RESF1: variants seen among roughly 807,000 people sequenced by gnomAD.
The protein encoded by RESF1 is gonad expressed transcript.
A neutral mutation model predicts 134.7 loss-of-function variants in RESF1; 65 were observed. That is an observed-to-expected ratio of 0.48 (90% confidence interval 0.40 to 0.59). The LOEUF (loss-of-function observed/expected upper bound fraction) is 0.59. RESF1 is among the 20% of genes least tolerant of loss of function. The pLI is 0.00. For synonymous variants in RESF1, 762 were observed against 702.2 expected, an observed-to-expected ratio of 1.09 and a Z score of -1.35; for missense variants, 2,274 against 2,002.7, an observed-to-expected ratio of 1.14 and a Z score of -2.59.
At position 31,983,066 on chromosome 12, in the gene RESF1, G is replaced by A; in HGVS notation, c.2111G>A (p.Gly704Glu). The change falls in exon 4 of 6, where the codon GGA becomes GAA. Residue 704 changes from glycine (G) to glutamate (E), a missense_variant. Transcript: ENST00000312561. The stretch of plus-strand genomic sequence containing the variant: ...CTCAGAACAAACACAACAGCAGTTG[G>A]AATTTCAAAGCCTGCTAACATCCAC... ...DKLRTNTTAV[G>E]ISKPANIHVK... 1 of 1,613,686 alleles carries A rather than the reference G, an allele frequency of 6.2e-7. No individual in the cohort carries two copies. The highest frequency in any genetic ancestry group is 8.5e-7 in the Non-Finnish European group (1 of 1,179,976).
chr12:31,990,897 A>G (rs111529813), intron 5 of RESF1, among the ~76,000 whole-genome samples: 2 of 152,238 alleles, frequency 1.3e-5, no homozygotes, highest in South Asian at 2.1e-4. Context: ...CCAATCTGCT[A>G]TAAAGAAACA....
intron 5 of RESF1, among the ~76,000 whole-genome samples, chr12:31,990,735 G>A (rs1287393134): frequency 2.6e-5 from 4 of 152,270 alleles, no homozygotes; most frequent in African/African-American, 4.8e-5. Flanking sequence ...CACTGCGCCC[G>A]GCCACATGGG....
At position 31,983,767 on chromosome 12, in the gene RESF1, G is replaced by C; in HGVS notation, c.2812G>C (p.Glu938Gln). 6.2e-7 allele frequency: 1 copy of C among 1,613,458 alleles called. No homozygotes were observed. ...CAATCAGCAAGGGATTGGCAGCAGA[G>C]AACCAGAAAAACAATTAGATAATAC... ...LPNQQGIGSREPEKQLDNTTE... is the reference protein window; with the variant it reads ...LPNQQGIGSRQPEKQLDNTTE... Residue 938 changes from glutamate to glutamine, a missense_variant, in exon 4 of 6, where the codon GAA becomes CAA. Physicochemically the swap from Glu to Gln is conservative, Grantham distance 29 (BLOSUM62 2). Transcript: ENST00000312561.
At chr12:31,972,528 C>T (rs1273105637) in intron 3 of RESF1, among the ~76,000 whole-genome samples, 1 of 150,412 alleles carries the variant, frequency 6.6e-6, no homozygotes, top group Non-Finnish European at 1.5e-5. Context: ...ATGGCGTGAA[C>T]CTGGGAGGCG....
chr12:31,960,693 A>G (rs1939240903), intron 1 of RESF1, 84 bp from the exon 2 acceptor site: 1 of 152,214 alleles, frequency 6.6e-6, no homozygotes, highest in African/African-American at 2.4e-5. Context: ...CCATAAAAGA[A>G]AACAGTTTTG....
chr12:31,964,745 T>C (rs1388055858), intron 2 of RESF1, among the ~76,000 whole-genome samples: 3 of 152,190 alleles, frequency 2.0e-5, no homozygotes, highest in Non-Finnish European at 4.4e-5. Flanking sequence ...TGCATGTTGA[T>C]TTCTTTGGAG....
At chr12:31,965,610 C>G (rs1482773064) in intron 2 of RESF1, among the ~76,000 whole-genome samples, 1 of 152,180 alleles carries the variant, frequency 6.6e-6, no homozygotes, top group East Asian at 1.9e-4. Flanking sequence ...TTTAGAGGAA[C>G]TCTTCTGTTC....
intron 2 of RESF1, among the ~76,000 whole-genome samples, chr12:31,969,869 G>C (rs1939470530): frequency 6.6e-6 from 1 of 152,146 alleles, no homozygotes; most frequent in African/African-American, 2.4e-5. Context: ...GGGATTACAG[G>C]TGTGAGCCAC....
In RESF1 at chr12:31,985,009, T is replaced by A; in HGVS notation, c.4054T>A (p.Ser1352Thr). ...PNKDVYKKHS[S>T]LGQSLSPEKI... ...TAAAGATGTGTATAAGAAGCATAGT[T>A]CTTTGGGACAGTCATTATCACCAGA... Residue 1352 changes from serine (S) to threonine (T), a missense_variant, in exon 4 of 6, where the codon TCT becomes ACT. Transcript: ENST00000312561. The A allele has an allele frequency of 6.2e-7, 1 of 1,602,100 alleles. No homozygotes were observed.
In RESF1 at chr12:31,988,984, G is replaced by A. The variant is rs1940036444; in HGVS notation, c.5086+1662G>A. 5.3e-5 allele frequency among the ~76,000 whole-genome samples: 8 copies of A among 151,108 alleles called. No homozygotes were observed. In the Middle Eastern group the frequency reaches 0.01, roughly 193 times the overall value. On this transcript the variant is annotated intron_variant, in intron 5 of 5. Transcript: ENST00000312561. ...GCTGGGATTACAAGCATGAGCCACC[G>A]TGTCCACCCGAATATATGATTTAAT...
chr12:31,977,796 T>C (rs992879237), intron 3 of RESF1, among the ~76,000 whole-genome samples: 1 of 132,132 alleles, frequency 7.6e-6, no homozygotes, highest in Admixed American at 8.2e-5. Context: ...ACTTTTTCTT[T>C]CTTTCTTTTT....
intron 1 of RESF1, chr12:31,959,956 GA>G (rs1370993651): frequency 6.7e-6 from 1 of 148,638 alleles, no homozygotes. Flanking sequence ...GAGTGAAAAA[GA>G]AAAATCTTTT....
At chr12:31,986,730 A>C (rs1412367583) in intron 4 of RESF1, among the ~76,000 whole-genome samples, 1 of 152,196 alleles carries the variant, frequency 6.6e-6, no homozygotes, top group African/African-American at 2.4e-5. Context: ...AAAGATTGGA[A>C]AACTAAAGGA....
At chr12:31,987,025 C>A in intron 4 of RESF1, 1 of 388,524 alleles carries the variant, frequency 2.6e-6, no homozygotes, top group South Asian at 2.9e-5. Context: ...GTGAGGGGAA[C>A]ATAATTACAT....
chr12:31,959,479 C>T lies in RESF1; in HGVS notation c.-354C>T, dbSNP rs959043161. ...TCTCCCCGCTTGCCGGGGTGGTCCT[C>T]TTCCCTTTGTCGGTAAGTGTGAGAC... On this transcript the variant is annotated 5_prime_UTR_variant, in exon 1 of 6. Coordinates refer to ENST00000312561, the MANE Select transcript of RESF1 (RefSeq NM_018169.4). 2.6e-5 allele frequency: 4 copies of T among 152,324 alleles called. No individual in the cohort carries two copies. Among genetic ancestry groups the T allele is most frequent in the South Asian group, 2.1e-4 (1 of 4,838 alleles). The allele number at this position is 152,324 out of a possible 1,614,324, so 9.4% of individuals were successfully genotyped here. A position where few individuals can be genotyped will look rare whatever the true frequency, so the allele number is the denominator to read the frequency against.
chr12:31,961,996 G>A lies in RESF1; in HGVS notation c.-247+1125G>A, dbSNP rs553566717. Reference sequence around the variant, plus strand: ...CCAGCACTTTAAGAGGCTGGGGCAGGCAGATCACTTGAGGCCAGGAGTTCG... The same window carrying A: ...CCAGCACTTTAAGAGGCTGGGGCAGACAGATCACTTGAGGCCAGGAGTTCG... On this transcript the variant is annotated intron_variant, in intron 2 of 5. Coordinates refer to ENST00000312561, the MANE Select transcript of RESF1 (RefSeq NM_018169.4). 1.2e-4 allele frequency among the ~76,000 whole-genome samples: 18 copies of A among 152,312 alleles called. No individual in the cohort carries two copies. The Middle Eastern group carries it at 0.017, about 144-fold the overall frequency.
At position 31,985,719 on chromosome 12, in the gene RESF1, A is replaced by T. The variant is rs1445609746; in HGVS notation, c.4764A>T (p.Lys1588Asn). Residue 1588 changes from lysine (K) to asparagine (N), a missense_variant, in exon 4 of 6, where the codon AAA becomes AAT. Transcript: ENST00000312561. ...KKLYLNRVGFKCTERESISLT... is the reference protein window; with the variant it reads ...KKLYLNRVGFNCTERESISLT... ...TATATCTGAATAGAGTTGGGTTTAA[A>T]TGCACTGAACGTGAAAGCATTTCTC... 1 of 1,602,264 alleles carries T rather than the reference A, an allele frequency of 6.2e-7. No individual in the cohort carries two copies. The highest frequency in any genetic ancestry group is 1.4e-5 in the African/African-American group (1 of 74,026).
chr12:31,966,703 A>G (rs1021281118), intron 2 of RESF1, among the ~76,000 whole-genome samples: 9 of 152,176 alleles, frequency 5.9e-5, no homozygotes, highest in African/African-American at 1.4e-4. Flanking sequence ...TGCATGGGGA[A>G]CGTTTGGTAT....
At chr12:31,986,023 A>G (rs1939965716) in intron 4 of RESF1, 66 bp downstream of exon 4, 3 of 1,073,718 alleles carry the variant, frequency 2.8e-6, no homozygotes, top group Non-Finnish European at 3.7e-6. Context: ...TATTTGGGCT[A>G]GCACCTCTCA....
Sources: allele counts gnomAD v4.1 joint callset (sites outside exome capture counted in the v4.1 genomes callset), GRCh38; gene constraint gnomAD v4.1.1; transcripts MANE v1.5; gene names NCBI Gene and HGNC (gene_info 2026-07-23, HGNC 2026-07-21).